SYNE2: variants seen among roughly 807,000 people sequenced by gnomAD.
The protein encoded by SYNE2 is spectrin repeat containing nuclear envelope protein 2.
Under a neutral mutation model 856.3 loss-of-function variants are expected in SYNE2, and 431 were observed. That is an observed-to-expected ratio of 0.50 (90% CI 0.47 to 0.55). The LOEUF (loss-of-function observed/expected upper bound fraction) is 0.55. SYNE2 is among the 20% of genes least tolerant of loss of function. The probability of loss-of-function intolerance (pLI) is 0.00; values close to 1 mark genes in which losing one functional copy is unlikely to be tolerated. For missense variants in SYNE2, 8,129 were observed against 8,023.2 expected, an observed-to-expected ratio of 1.01 and a Z score of -0.50; for synonymous variants, 2,923 against 2,872.3, an observed-to-expected ratio of 1.02 and a Z score of -0.56.
chr14:63,852,986 A>T (rs886050574), upstream of SYNE2: 9 of 151,660 alleles, frequency 5.9e-5, no homozygotes, highest in Non-Finnish European at 1.3e-4. Context: ...TCCGAGCGCC[A>T]AGGAGCGGAG....
At chr14:64,115,543 G>T (rs1040745330) in intron 66 of SYNE2, among the ~76,000 whole-genome samples, 1 of 152,148 alleles carries the variant, frequency 6.6e-6, no homozygotes, top group Non-Finnish European at 1.5e-5. Flanking sequence ...TCCGTGGCTG[G>T]CAGATGTTGG....
intron 8 of SYNE2, among the ~76,000 whole-genome samples, chr14:63,960,052 G>A (rs1447172829): frequency 2.0e-5 from 3 of 152,090 alleles, no homozygotes; most frequent in South Asian, 2.1e-4. Context: ...CTATTTTGAC[G>A]TAATATTGTT....
At chr14:63,976,293 T>A (rs2096542372) in intron 11 of SYNE2, among the ~76,000 whole-genome samples, 1 of 152,230 alleles carries the variant, frequency 6.6e-6, no homozygotes, top group Non-Finnish European at 1.5e-5. Context: ...TTCCTCCATA[T>A]CTTATTGTGG....
intron 99 of SYNE2, among the ~76,000 whole-genome samples, chr14:64,197,367 A>G (rs978459241): frequency 6.6e-6 from 1 of 152,176 alleles, no homozygotes; most frequent in African/African-American, 2.4e-5. Context: ...GGTGACAAAA[A>G]TGCTTTAAAG....
In SYNE2 at chr14:63,807,710, G is replaced by A. The variant is rs552065987; in HGVS notation, c.-304-44791G>A. Among the ~76,000 whole-genome samples the A allele has an allele frequency of 5.1e-4, 74 of 146,060 alleles. 4 individuals carry two copies. The East Asian group carries it at 0.013, about 25-fold the overall frequency. On this transcript the variant is annotated intron_variant, in intron 1 of 23. Coordinates refer to the SYNE2 transcript ENST00000674003. The stretch of plus-strand genomic sequence containing the variant: ...AACAAGGTGTCACTCTGTTTCCCAG[G>A]CTGGAGTGCAGTGGCAGGATCATGG...
intron 1 of SYNE2, among the ~76,000 whole-genome samples, chr14:63,897,924 A>G (rs575120837): frequency 1.3e-5 from 2 of 152,212 alleles, no homozygotes; most frequent in African/African-American, 4.8e-5. Context: ...AACAGCGAGC[A>G]TGTTTTGCAA....
intron 63 of SYNE2, 107 bp from the exon 64 acceptor site, chr14:64,101,825 A>G (rs558717069): frequency 2.5e-6 from 2 of 789,032 alleles, no homozygotes; most frequent in African/African-American, 3.4e-5. Flanking sequence ...CTGTGGTTAC[A>G]CTGCCTGATA....
intron 35 of SYNE2, 116 bp downstream of exon 35, chr14:64,020,209 C>A: frequency 2.7e-6 from 2 of 737,900 alleles, no homozygotes; most frequent in Non-Finnish European, 4.7e-6. Flanking sequence ...AAGAAAAAAA[C>A]GGCCCAATTA....
At chr14:63,768,592 A>G (rs1275866242) in intron 1 of SYNE2, among the ~76,000 whole-genome samples, 1 of 152,210 alleles carries the variant, frequency 6.6e-6, no homozygotes, top group Non-Finnish European at 1.5e-5. Context: ...GAAAATCTAT[A>G]GCAATCAAAC....
chr14:64,136,289 CAAAAA>C (rs34694248), intron 78 of SYNE2, among the ~76,000 whole-genome samples: 59 of 62,036 alleles, frequency 9.5e-4, no homozygotes, highest in African/African-American at 2.9e-3. Context: ...GACTTCATCT[CAAAAA>C]AAAAAAAAAA....
intron 52 of SYNE2, among the ~76,000 whole-genome samples, chr14:64,073,210 A>G (rs1489791018): frequency 6.6e-6 from 1 of 152,132 alleles, no homozygotes; most frequent in Non-Finnish European, 1.5e-5. Flanking sequence ...TAGGGGTGGT[A>G]CTGAAAGTTC....
chr14:64,029,177 A>G (rs1234142585), intron 43 of SYNE2, among the ~76,000 whole-genome samples: 1 of 152,154 alleles, frequency 6.6e-6, no homozygotes, highest in Non-Finnish European at 1.5e-5. Context: ...GCTTGTCATG[A>G]GGGAGTATAT....
At position 64,107,497 on chromosome 14, in the gene SYNE2, T is replaced by C. The variant is rs1567321033; in HGVS notation, c.12499T>C (p.Tyr4167His). 1 of 1,613,954 alleles carries C rather than the reference T, an allele frequency of 6.2e-7. No homozygotes were observed. The highest frequency in any genetic ancestry group is 8.5e-7 in the Non-Finnish European group (1 of 1,179,788). Reference sequence around the variant, plus strand: ...CTGATTCTTTTCTTTACAGGAAGCATATGGGAAAATAAGCACCTCTGATAA... The same window carrying C: ...CTGATTCTTTTCTTTACAGGAAGCACATGGGAAAATAAGCACCTCTGATAA... ...SSSGTIVQEA[Y>H]GKISTSDNSM... is the part of the protein sequence containing the mutation. The change falls in exon 65 of 116, where the codon TAT becomes CAT. Residue 4167 changes from tyrosine to histidine, a missense_variant. Tyr to His is a moderately conservative substitution (Grantham distance 83). Around this residue, in one of 3 missense-constraint regions of SYNE2, gnomAD observed 5,410 missense variants for 5,284.8 expected, o/e 1.02. Coordinates refer to ENST00000555002, the MANE Select transcript of SYNE2 (RefSeq NM_182914.3).
chr14:64,054,510 A>T (rs1460146291), intron 48 of SYNE2, among the ~76,000 whole-genome samples: 1 of 152,234 alleles, frequency 6.6e-6, no homozygotes, highest in Non-Finnish European at 1.5e-5. Flanking sequence ...ACAGAACCAG[A>T]GCAGGGAGCA....
chr14:64,125,873 A>G (rs760573248), intron 71 of SYNE2, among the ~76,000 whole-genome samples: 3 of 152,074 alleles, frequency 2.0e-5, no homozygotes, highest in Non-Finnish European at 4.4e-5. Context: ...TTTTTAAGAC[A>G]CTGTACCTCC....
chr14:64,105,176 T>A (rs2097763113), intron 64 of SYNE2, among the ~76,000 whole-genome samples: 1 of 152,228 alleles, frequency 6.6e-6, no homozygotes, highest in South Asian at 2.1e-4. Flanking sequence ...GCCCTCTAAT[T>A]GGTTTACAGT....
intron 1 of SYNE2, among the ~76,000 whole-genome samples, chr14:63,847,610 G>A (rs1452427513): frequency 6.7e-6 from 1 of 148,774 alleles, no homozygotes; most frequent in Non-Finnish European, 1.5e-5. Context: ...TTTTGAGACG[G>A]AGTCTCGCTC....
At chr14:64,091,774 C>A (rs2097618426) in intron 60 of SYNE2, among the ~76,000 whole-genome samples, 1 of 152,196 alleles carries the variant, frequency 6.6e-6, no homozygotes, top group African/African-American at 2.4e-5. Context: ...CAGAAAGTTG[C>A]AGAAAGTCTG....
intron 51 of SYNE2, among the ~76,000 whole-genome samples, chr14:64,067,529 G>A (rs963507400): frequency 2.0e-5 from 3 of 152,168 alleles, no homozygotes; most frequent in Admixed American, 1.3e-4. Flanking sequence ...GCCCATACAT[G>A]TAAGCTTCTG....
Sources: allele counts gnomAD v4.1 joint callset (sites outside exome capture counted in the v4.1 genomes callset), GRCh38; gene constraint gnomAD v4.1.1; regional missense constraint gnomAD v4.1.1; transcripts MANE v1.5; gene names NCBI Gene and HGNC (gene_info 2026-07-23, HGNC 2026-07-21).